Variants in DISC1 observed in about 807,000 individuals in gnomAD.
DISC1 encodes the protein DISC1 scaffold protein.
In DISC1, 57 loss-of-function variants were observed where a neutral mutation model predicts 84.5. The observed-to-expected ratio is 0.67, with a 90% confidence interval of 0.55 to 0.84. DISC1 has a LOEUF of 0.84. Among genes scored for constraint, DISC1 ranks in the 40% least tolerant of loss-of-function variants. The pLI is 0.00. For synonymous variants in DISC1, 411 were observed against 415.2 expected (o/e 0.99, Z 0.12); for missense variants, 1,000 against 1,057.8 (o/e 0.95, Z 0.76).
chr1:231,640,340 C>A (rs1158403191), intron 1 of DISC1, among the ~76,000 whole-genome samples: 1 of 152,142 alleles, frequency 6.6e-6, no homozygotes, highest in Non-Finnish European at 1.5e-5. Context: ...AACAGATGAA[C>A]ATAAGAGTGT....
chr1:231,704,564 G>C (rs1368568340), intron 3 of DISC1, among the ~76,000 whole-genome samples: 2 of 151,998 alleles, frequency 1.3e-5, no homozygotes, highest in Non-Finnish European at 1.5e-5. Flanking sequence ...ATACCATCCT[G>C]GCTAACGCAG....
At chr1:231,740,954 G>A (rs551014661) in intron 3 of DISC1, among the ~76,000 whole-genome samples, 2 of 152,318 alleles carry the variant, frequency 1.3e-5, no homozygotes, top group South Asian at 4.1e-4. Context: ...TTGGATTAGA[G>A]ATGCTCAACC....
intron 1 of DISC1, among the ~76,000 whole-genome samples, chr1:231,641,077 G>T (rs1004378655): frequency 1.3e-5 from 2 of 152,194 alleles, no homozygotes; most frequent in African/African-American, 4.8e-5. Context: ...GAAGGAAAAG[G>T]GTTGGAACTG....
Position 231,891,157 on chromosome 1 carries a change from A to G in DISC1, c.1982-67671A>G, listed in dbSNP as rs12036719. Among the ~76,000 whole-genome samples the G allele has an allele frequency of 9.8e-4, 150 of 152,290 alleles. No individual in the cohort carries two copies. In the East Asian group the frequency reaches 0.026, roughly 27 times the overall value. ...TTCCCTGGGCCACACTTGAAGGAGG[A>G]GAATTGTCTTGGGCCACACATAAAA... is the stretch of plus-strand genomic sequence containing the variant. On this transcript the variant is annotated intron_variant, in intron 9 of 12. Coordinates refer to ENST00000439617, the MANE Select transcript of DISC1 (RefSeq NM_018662.3).
rs989184864 is a variant in DISC1 at position 231,693,885 on chromosome 1, C to A, written c.127C>A (p.Pro43Thr). 1 of 1,614,142 alleles carries A rather than the reference C, an allele frequency of 6.2e-7. No homozygotes were observed. Among genetic ancestry groups the A allele is most frequent in the Admixed American group, 1.7e-5 (1 of 60,024 alleles). Residue 43 changes from proline (P) to threonine (T), a missense_variant, in exon 2 of 13, where the codon CCG (proline) becomes ACG (threonine). Pro to Thr is a conservative substitution (Grantham distance 38). This residue lies in a region of DISC1 where 292 missense variants were observed against 280.2 expected (regional missense o/e 1.04). Coordinates refer to ENST00000439617, the MANE Select transcript of DISC1 (RefSeq NM_018662.3). ...CFRRRRLARR[P>T]GYMRSSTGPG... ...TCGGAGGCGGCGGCTGGCACGGAGG[C>A]CGGGCTACATGAGAAGCTCGACAGG...
chr1:231,939,753 T>C (rs2091196803), intron 9 of DISC1, among the ~76,000 whole-genome samples: 1 of 152,038 alleles, frequency 6.6e-6, no homozygotes, highest in African/African-American at 2.4e-5. Flanking sequence ...TATTCTATTT[T>C]TTTTTTTGAG....
At position 231,911,746 on chromosome 1, in the gene DISC1, C is replaced by G. The variant is rs557764341; in HGVS notation, c.1982-47082C>G. Reference sequence around the variant, plus strand: ...GCCTTGCTAGGTTGGGGATGTTCTCCTGGATAATATCCTGCAGAGTGTTTT... The same window carrying G: ...GCCTTGCTAGGTTGGGGATGTTCTCGTGGATAATATCCTGCAGAGTGTTTT... On this transcript the variant is annotated intron_variant, in intron 9 of 12. Coordinates refer to ENST00000439617, the MANE Select transcript of DISC1 (RefSeq NM_018662.3). 3.9e-5 allele frequency among the ~76,000 whole-genome samples: 6 copies of G among 152,314 alleles called. No individual in the cohort carries two copies. The South Asian group carries it at 1.2e-3, about 32-fold the overall frequency.
chr1:231,646,165 C>T (rs911939387), intron 1 of DISC1, among the ~76,000 whole-genome samples: 4 of 151,810 alleles, frequency 2.6e-5, no homozygotes, highest in African/African-American at 9.7e-5. Flanking sequence ...CCCCCCATGC[C>T]ACAACAGTCC....
chr1:231,887,123 G>A (rs1483726315), intron 9 of DISC1, among the ~76,000 whole-genome samples: 1 of 152,022 alleles, frequency 6.6e-6, no homozygotes, highest in Non-Finnish European at 1.5e-5. Flanking sequence ...GCCTCCCAAA[G>A]TGCTGGGATT....
chr1:231,885,509 C>T (rs1343251796), intron 9 of DISC1, among the ~76,000 whole-genome samples: 2 of 152,166 alleles, frequency 1.3e-5, no homozygotes, highest in African/African-American at 4.8e-5. Context: ...CCCGATGTAG[C>T]CTGTTCGAAG....
intron 8 of DISC1, among the ~76,000 whole-genome samples, chr1:231,812,916 G>C (rs932057726): frequency 2.6e-5 from 4 of 152,206 alleles, no homozygotes; most frequent in Admixed American, 6.5e-5. Context: ...GGGCATTGTA[G>C]CATTTTCTCA....
chr1:231,942,807 G>A (rs550589297), intron 9 of DISC1, among the ~76,000 whole-genome samples: 2 of 152,366 alleles, frequency 1.3e-5, no homozygotes, highest in African/African-American at 4.8e-5. Context: ...AGGTCCTTGT[G>A]CTGAGCACCG....
At chr1:231,829,464 A>G (rs982028374) in intron 9 of DISC1, among the ~76,000 whole-genome samples, 1 of 152,088 alleles carries the variant, frequency 6.6e-6, no homozygotes, top group Admixed American at 6.5e-5. Context: ...TCCTGGGCTC[A>G]AGCAATCCTC....
Position 231,762,239 on chromosome 1 carries a change from T to A in DISC1, c.1269-4901T>A, listed in dbSNP as rs1228590442. ...TCTTCTTTTCTTTTCTTTTCTTTTC[T>A]TTTCTTTTCTTTTCTTTATTTTCTT... On this transcript the variant is annotated intron_variant, in intron 4 of 12. Transcript: ENST00000439617. Among the ~76,000 whole-genome samples the A allele has an allele frequency of 1.7e-3, 70 of 41,462 alleles. 1 individual carries two copies. The highest frequency in any genetic ancestry group is 5.5e-3 in the African/African-American group (68 of 12,264). 27.2% of individuals were successfully genotyped at this position (41,462 alleles called of 152,430 possible). A position where few individuals can be genotyped will look rare whatever the true frequency, so the allele number is the denominator to read the frequency against.
At chr1:231,758,767 T>G (rs2075373746) in intron 4 of DISC1, among the ~76,000 whole-genome samples, 1 of 152,216 alleles carries the variant, frequency 6.6e-6, no homozygotes, top group African/African-American at 2.4e-5. Context: ...AGAGTTGGCC[T>G]ACTATCATCA....
chr1:231,874,451 G>T (rs116319753), intron 9 of DISC1, among the ~76,000 whole-genome samples: 1 of 151,802 alleles, frequency 6.6e-6, no homozygotes, highest in African/African-American at 2.4e-5. Flanking sequence ...GAGCCACCGC[G>T]CCCAGCCAAT....
intron 4 of DISC1, among the ~76,000 whole-genome samples, chr1:231,760,785 C>T (rs1215917634): frequency 1.3e-5 from 2 of 152,194 alleles, no homozygotes; most frequent in African/African-American, 2.4e-5. Context: ...CTTGCAGAGC[C>T]TTCTGAAGGT....
chr1:231,669,231 T>C (rs1376976660), intron 1 of DISC1, among the ~76,000 whole-genome samples: 1 of 152,126 alleles, frequency 6.6e-6, no homozygotes, highest in Non-Finnish European at 1.5e-5. Flanking sequence ...GATGTCTTTA[T>C]GTTGGTGTAC....
chr1:231,816,911 C>T (rs1303475612), intron 8 of DISC1, among the ~76,000 whole-genome samples: 1 of 151,812 alleles, frequency 6.6e-6, no homozygotes, highest in African/African-American at 2.4e-5. Flanking sequence ...CATTCTTCTT[C>T]GTCTTCTCCT....
Sources: allele counts gnomAD v4.1 joint callset (sites outside exome capture counted in the v4.1 genomes callset), GRCh38; gene constraint gnomAD v4.1.1; regional missense constraint gnomAD v4.1.1; transcripts MANE v1.5; gene names NCBI Gene and HGNC (gene_info 2026-07-23, HGNC 2026-07-21).